The following PDE1A variants were observed in gnomAD, a reference collection of about 807,000 sequenced individuals.
PDE1A encodes phosphodiesterase 1A, also known as dual specificity calcium/calmodulin-dependent 3',5'-cyclic nucleotide phosphodiesterase 1A.
PDE1A carries 35 observed loss-of-function variants against 61.7 expected under a neutral mutation model. The observed-to-expected ratio is 0.57, with a 90% CI of 0.43 to 0.75. The LOEUF (loss-of-function observed/expected upper bound fraction) is 0.75. Ranked by LOEUF, PDE1A falls within the 30% of genes least tolerant of loss-of-function variation. The pLI, the probability that PDE1A is intolerant of heterozygous loss-of-function variation, is 0.00. For synonymous variants in PDE1A, 232 were observed against 213.2 expected (o/e 1.09, Z -0.77); for missense variants, 597 against 630.6 (o/e 0.95, Z 0.57).
At chr2:182,275,651 G>A (rs1344070972) in intron 1 of PDE1A, among the ~76,000 whole-genome samples, 2 of 151,968 alleles carry the variant, frequency 1.3e-5, no homozygotes, top group East Asian at 1.9e-4. Flanking sequence ...GTTTAGCAAG[G>A]CTGTTTAGTT....
the PDE1A span, among the ~76,000 whole-genome samples, chr2:182,602,200 G>A: frequency 6.6e-6 from 1 of 152,238 alleles, no homozygotes; most frequent in African/African-American, 2.4e-5. Context: ...CCCCAAGAGT[G>A]CAGGATGCGT....
chr2:182,579,536 G>T, the PDE1A span, among the ~76,000 whole-genome samples: 1 of 152,184 alleles, frequency 6.6e-6, no homozygotes, highest in African/African-American at 2.4e-5. Flanking sequence ...CAAGGGATCA[G>T]AATCATTTTC....
At chr2:182,471,555 C>T (rs762101790) in intron 2 of PDE1A, among the ~76,000 whole-genome samples, 15 of 151,704 alleles carry the variant, frequency 9.9e-5, no homozygotes, top group Non-Finnish European at 1.8e-4. Flanking sequence ...CAACCCAATT[C>T]CTTTTACCTA....
intron 4 of PDE1A, 34 bp from the exon 5 acceptor site, chr2:182,231,165 A>T: frequency 9.7e-7 from 1 of 1,026,576 alleles, no homozygotes; most frequent in Non-Finnish European, 1.5e-6. Context: ...TTAGGTGCCA[A>T]TATCATACTG....
chr2:182,551,033 T>C, the PDE1A span, among the ~76,000 whole-genome samples: 3 of 147,874 alleles, frequency 2.0e-5, no homozygotes, highest in Non-Finnish European at 4.5e-5. Flanking sequence ...TGGCCAATGT[T>C]TCCTACAATC....
chr2:182,420,435 A>G (rs1703204961), intron 1 of PDE1A, among the ~76,000 whole-genome samples: 1 of 152,170 alleles, frequency 6.6e-6, no homozygotes, highest in African/African-American at 2.4e-5. Context: ...TGACAAAGAT[A>G]CAGCCCTACT....
At chr2:182,402,849 T>C (rs1250234789) in intron 1 of PDE1A, among the ~76,000 whole-genome samples, 17 of 152,136 alleles carry the variant, frequency 1.1e-4, no homozygotes, top group South Asian at 2.1e-4. Context: ...AACAACGCCA[T>C]CAAAAAGTGG....
chr2:182,574,681 G>A, the PDE1A span, among the ~76,000 whole-genome samples: 5 of 151,652 alleles, frequency 3.3e-5, 1 homozygote, highest in South Asian at 4.2e-4. Flanking sequence ...CACAGTCTAC[G>A]TTTTTTTTGT....
In PDE1A at chr2:182,202,419, G is replaced by A. The variant is rs747782596; in HGVS notation, c.903-630C>T. ...GGATTAAATGTCTTCATATAATACC[G>A]ATAATAAAATACTTTAGCAACTAGT... On this transcript the variant is annotated intron_variant, in intron 8 of 13. Coordinates refer to ENST00000351439, the Ensembl canonical transcript of PDE1A. Among the ~76,000 whole-genome samples, 10 of 152,144 alleles carry A rather than the reference G, an allele frequency of 6.6e-5. No homozygotes were observed. The East Asian group carries it at 9.7e-4, about 15-fold the overall frequency.
chr2:182,612,677 C>G, the PDE1A span, among the ~76,000 whole-genome samples: 1 of 152,062 alleles, frequency 6.6e-6, no homozygotes, highest in African/African-American at 2.4e-5. Flanking sequence ...TCATTGGGGC[C>G]TCTATAAAGA....
At chr2:182,540,384 A>AAAGCAGCAGCAGC in the PDE1A span, among the ~76,000 whole-genome samples, 2 of 77,462 alleles carry the variant, frequency 2.6e-5, no homozygotes, top group Non-Finnish European at 6.3e-5. Context: ...AAAAAAAAAA[A>AAAGCAGCAGCAGC]AGCAGCAGCA....
chr2:182,550,591 C>T, the PDE1A span, among the ~76,000 whole-genome samples: 3 of 152,208 alleles, frequency 2.0e-5, no homozygotes, highest in East Asian at 1.9e-4. Flanking sequence ...AATTACGACG[C>T]TCCAGTCACA....
Position 182,275,322 on chromosome 2 carries a change from T to C in PDE1A, c.54-10908A>G, listed in dbSNP as rs1393577506. On this transcript the variant is annotated intron_variant, in intron 1 of 13. Coordinates refer to ENST00000351439, the Ensembl canonical transcript of PDE1A. ...AGGAATGCCCTGGCTTTTACCTTCC[T>C]CCTCACCTATCCTGACTTTATATGC... 2.0e-5 allele frequency among the ~76,000 whole-genome samples: 3 copies of C among 152,154 alleles called. No individual in the cohort carries two copies. In the East Asian group the frequency reaches 5.8e-4, roughly 30 times the overall value.
intron 1 of PDE1A, among the ~76,000 whole-genome samples, chr2:182,320,349 G>A (rs967308729): frequency 6.6e-6 from 1 of 152,092 alleles, no homozygotes; most frequent in African/African-American, 2.4e-5. Flanking sequence ...CTAAGGTGCT[G>A]GGGTATGAGG....
chr2:182,317,900 G>C (rs1160878555), intron 1 of PDE1A, among the ~76,000 whole-genome samples: 2 of 152,102 alleles, frequency 1.3e-5, no homozygotes, highest in Non-Finnish European at 2.9e-5. Context: ...AAATATGCCT[G>C]ACACTTTAAA....
At chr2:182,626,812 T>C in the PDE1A span, among the ~76,000 whole-genome samples, 11 of 38,068 alleles carry the variant, frequency 2.9e-4, 1 homozygote, top group East Asian at 8.3e-4. Context: ...CATATATATA[T>C]ACATATATAT....
intron 1 of PDE1A, among the ~76,000 whole-genome samples, chr2:182,350,301 TGA>T (rs1698795240): frequency 6.6e-6 from 1 of 152,224 alleles, no homozygotes; most frequent in Admixed American, 6.5e-5. Flanking sequence ...TATTGGGCTA[TGA>T]GAGATGGAAC....
chr2:182,208,527 C>T (rs2368278), intron 7 of PDE1A, among the ~76,000 whole-genome samples: 31,604 of 152,068 alleles, frequency 0.21, 3,530 homozygotes, highest in East Asian at 0.32. Context: ...GGTGGGGACA[C>T]GGAGCCAAAC....
At chr2:182,393,150 A>T (rs1269796512) in intron 1 of PDE1A, among the ~76,000 whole-genome samples, 1 of 152,214 alleles carries the variant, frequency 6.6e-6, no homozygotes, top group African/African-American at 2.4e-5. Context: ...CTGGACATCC[A>T]AGCATTTCCA....
Sources: allele counts gnomAD v4.1 joint callset (sites outside exome capture counted in the v4.1 genomes callset), GRCh38; gene constraint gnomAD v4.1.1; transcripts MANE v1.5; gene names NCBI Gene and HGNC (gene_info 2026-07-23, HGNC 2026-07-21).